TCF7L2: variants seen among roughly 807,000 people sequenced by gnomAD.
TCF7L2 encodes the protein transcription factor 7 like 2.
TCF7L2 carries 23 observed loss-of-function variants against 77.9 expected under a neutral mutation model. The observed-to-expected ratio is 0.30, with a 90% CI of 0.21 to 0.42. The LOEUF (loss-of-function observed/expected upper bound fraction) is 0.42, where lower values mean the gene tolerates loss of function less well. Among genes scored for constraint, TCF7L2 ranks in the 10% least tolerant of loss-of-function variants. The probability of loss-of-function intolerance (pLI) is 1.00; values close to 1 mark genes in which losing one functional copy is unlikely to be tolerated. For synonymous variants in TCF7L2, 413 were observed against 340.2 expected (o/e 1.21, Z -2.36); for missense variants, 654 against 793.1 (o/e 0.82, Z 2.11).
At chr10:112,953,890 C>T (rs2032753661) in intron 3 of TCF7L2, among the ~76,000 whole-genome samples, 1 of 152,174 alleles carries the variant, frequency 6.6e-6, no homozygotes, top group South Asian at 2.1e-4. Flanking sequence ...ACTCAGTAGG[C>T]AGTTTTAGTA....
chr10:112,955,993 G>A (rs975309767), intron 3 of TCF7L2, among the ~76,000 whole-genome samples: 7 of 152,146 alleles, frequency 4.6e-5, no homozygotes, highest in African/African-American at 9.6e-5. Context: ...TAGATTTCTC[G>A]GTGGAGAAAT....
At chr10:112,956,713 C>A (rs2134349524) in intron 3 of TCF7L2, among the ~76,000 whole-genome samples, 1 of 152,212 alleles carries the variant, frequency 6.6e-6, no homozygotes, top group East Asian at 1.9e-4. Flanking sequence ...GAAATGTGCC[C>A]CAGTCTTTTT....
intron 4 of TCF7L2, among the ~76,000 whole-genome samples, chr10:113,032,136 G>T (rs919050634): frequency 1.3e-5 from 2 of 152,180 alleles, no homozygotes; most frequent in African/African-American, 4.8e-5. Context: ...GTAATTTGAA[G>T]AGCGACTTTT....
intron 3 of TCF7L2, among the ~76,000 whole-genome samples, chr10:112,952,782 C>T (rs1194095168): frequency 1.3e-5 from 2 of 152,088 alleles, no homozygotes; most frequent in Admixed American, 6.5e-5. Flanking sequence ...GGGTCGGTCC[C>T]GCGCCCAACC....
At chr10:113,092,662 C>T (rs779025733) in intron 5 of TCF7L2, among the ~76,000 whole-genome samples, 9 of 152,214 alleles carry the variant, frequency 5.9e-5, no homozygotes, top group Non-Finnish European at 1.0e-4. Context: ...GGGCAGATCA[C>T]GAAGTCAGGA....
At chr10:113,008,072 G>A (rs1454265305) in intron 4 of TCF7L2, among the ~76,000 whole-genome samples, 1 of 152,218 alleles carries the variant, frequency 6.6e-6, no homozygotes, top group Non-Finnish European at 1.5e-5. Context: ...AAAAGTGAAA[G>A]CGACCCATCG....
intron 5 of TCF7L2, among the ~76,000 whole-genome samples, chr10:113,064,589 C>T (rs1490391619): frequency 6.6e-6 from 1 of 152,242 alleles, no homozygotes; most frequent in Non-Finnish European, 1.5e-5. Flanking sequence ...GAAGGTACTA[C>T]TGTTCATCAG....
intron 5 of TCF7L2, among the ~76,000 whole-genome samples, chr10:113,044,255 T>A (rs529607336): frequency 6.6e-6 from 1 of 152,336 alleles, no homozygotes; most frequent in Non-Finnish European, 1.5e-5. Context: ...TACGAAATAA[T>A]GCACGATGGG....
intron 5 of TCF7L2, among the ~76,000 whole-genome samples, chr10:113,138,092 AC>A: frequency 6.6e-6 from 1 of 152,256 alleles, no homozygotes; most frequent in South Asian, 2.1e-4. Flanking sequence ...TTGCAAGGGA[AC>A]CCATGAGCTT....
intron 5 of TCF7L2, among the ~76,000 whole-genome samples, chr10:113,125,135 T>G (rs1038856598): frequency 3.9e-5 from 6 of 152,296 alleles, no homozygotes; most frequent in Admixed American, 3.9e-4. Flanking sequence ...AATTATTTAC[T>G]GTGCTGTCTT....
intron 5 of TCF7L2, among the ~76,000 whole-genome samples, chr10:113,132,526 G>C (rs1383268103): frequency 1.3e-5 from 2 of 152,120 alleles, no homozygotes. Flanking sequence ...TAGATTTGGG[G>C]TTGTTGTATT....
chr10:113,010,944 T>C (rs1367907412), intron 4 of TCF7L2, among the ~76,000 whole-genome samples: 1 of 152,108 alleles, frequency 6.6e-6, no homozygotes, highest in African/African-American at 2.4e-5. Flanking sequence ...TGAGTCCGGC[T>C]GCAGTGAGCT....
chr10:112,969,929 A>C (rs1399209867), intron 4 of TCF7L2, among the ~76,000 whole-genome samples: 1 of 152,216 alleles, frequency 6.6e-6, no homozygotes, highest in Non-Finnish European at 1.5e-5. Flanking sequence ...TACTCTCAGC[A>C]TTATTCCAAA....
At chr10:113,022,589 G>A (rs542520759) in intron 4 of TCF7L2, among the ~76,000 whole-genome samples, 8 of 152,220 alleles carry the variant, frequency 5.3e-5, no homozygotes, top group Non-Finnish European at 7.4e-5. Context: ...TGGTTAATAC[G>A]CGTATCTGCA....
chr10:113,117,810 C>T (rs1307650250), intron 5 of TCF7L2, among the ~76,000 whole-genome samples: 5 of 152,038 alleles, frequency 3.3e-5, no homozygotes, highest in Non-Finnish European at 7.4e-5. Flanking sequence ...ATCAATGGGC[C>T]GCAGGAATGC....
chr10:113,127,058 G>A, intron 5 of TCF7L2: 1 of 391,418 alleles, frequency 2.6e-6, no homozygotes, highest in Non-Finnish European at 3.5e-6. Context: ...TGACTGGTAA[G>A]CTGCCGGGGT....
intron 5 of TCF7L2, among the ~76,000 whole-genome samples, chr10:113,052,777 C>T (rs972400766): frequency 8.5e-5 from 13 of 152,142 alleles, no homozygotes; most frequent in African/African-American, 2.2e-4. Flanking sequence ...CGGATCTAGT[C>T]GTATTTCTGA....
intron 3 of TCF7L2, among the ~76,000 whole-genome samples, chr10:112,959,799 A>G (rs1489328205): frequency 1.3e-5 from 2 of 152,180 alleles, no homozygotes; most frequent in Non-Finnish European, 2.9e-5. Context: ...AGCTGGGCTT[A>G]TAATGGCCTG....
intron 5 of TCF7L2, among the ~76,000 whole-genome samples, chr10:113,065,068 C>G (rs982106067): frequency 1.3e-5 from 2 of 152,210 alleles, no homozygotes; most frequent in Non-Finnish European, 2.9e-5. Flanking sequence ...GGGCCAGGTT[C>G]CCTGACTCCA....
Sources: gnomAD v4.1 joint callset for allele counts (sites outside exome capture counted in the v4.1 genomes callset) on GRCh38, gnomAD v4.1.1 for gene constraint, MANE v1.5 for transcripts, NCBI Gene and HGNC (gene_info 2026-07-23, HGNC 2026-07-21) for gene names.